The following CAMK1D variants were observed in gnomAD, a reference collection of about 807,000 sequenced individuals.
CAMK1D encodes the protein calcium/calmodulin dependent protein kinase ID.
A neutral mutation model predicts 47.7 loss-of-function variants in CAMK1D; 9 were observed. The observed-to-expected ratio is 0.19, with a 90% CI of 0.11 to 0.33. The LOEUF is 0.33. CAMK1D is among the 10% of genes least tolerant of loss of function. The pLI, the probability that CAMK1D is intolerant of heterozygous loss-of-function variation, is 1.00. For missense variants in CAMK1D, 291 were observed against 488.7 expected (o/e 0.60, Z 3.81); for synonymous variants, 184 against 184.9 (o/e 0.99, Z 0.04).
At chr10:12,390,476 C>T (rs1183995164) in intron 1 of CAMK1D, among the ~76,000 whole-genome samples, 1 of 152,180 alleles carries the variant, frequency 6.6e-6, no homozygotes, top group African/African-American at 2.4e-5. Context: ...TTATCTCTGT[C>T]ACTATATCTG....
At chr10:12,813,368 A>G (rs1832681031) in intron 6 of CAMK1D, among the ~76,000 whole-genome samples, 1 of 152,226 alleles carries the variant, frequency 6.6e-6, no homozygotes, top group Admixed American at 6.5e-5. Context: ...TCAACGTCAT[A>G]AAATTTCATT....
At chr10:12,628,442 G>T (rs1359333688) in intron 2 of CAMK1D, among the ~76,000 whole-genome samples, 2 of 152,114 alleles carry the variant, frequency 1.3e-5, no homozygotes, top group African/African-American at 4.8e-5. Flanking sequence ...CTTTATCATA[G>T]TCTAGCAGTT....
At chr10:12,638,773 A>G (rs1269019814) in intron 2 of CAMK1D, among the ~76,000 whole-genome samples, 2 of 152,112 alleles carry the variant, frequency 1.3e-5, no homozygotes, top group African/African-American at 4.8e-5. Context: ...TCTGCCCCTC[A>G]TTTTGTATCA....
At chr10:12,604,441 G>C (rs1454401475) in intron 2 of CAMK1D, among the ~76,000 whole-genome samples, 1 of 152,170 alleles carries the variant, frequency 6.6e-6, no homozygotes, top group African/African-American at 2.4e-5. Context: ...GAAGTGTTTG[G>C]CCGTGTTGGC....
intron 3 of CAMK1D, among the ~76,000 whole-genome samples, chr10:12,674,353 AAC>A (rs1221284663): frequency 2.6e-5 from 4 of 152,304 alleles, no homozygotes; most frequent in African/African-American, 9.6e-5. Flanking sequence ...GAGGATCTAA[AAC>A]ACAACATTTT....
chr10:12,354,402 G>A (rs1229888704), intron 1 of CAMK1D, among the ~76,000 whole-genome samples: 1 of 151,806 alleles, frequency 6.6e-6, no homozygotes, highest in African/African-American at 2.4e-5. Flanking sequence ...GTGGGGAACA[G>A]GGAACATGAG....
chr10:12,702,472 A>G (rs1353515014), intron 3 of CAMK1D, among the ~76,000 whole-genome samples: 3 of 152,242 alleles, frequency 2.0e-5, no homozygotes, highest in Non-Finnish European at 4.4e-5. Context: ...CTTGAAACAA[A>G]GACACTCGAT....
chr10:12,456,796 C>T (rs1833261112), intron 1 of CAMK1D, among the ~76,000 whole-genome samples: 1 of 142,074 alleles, frequency 7.0e-6, no homozygotes, highest in South Asian at 2.3e-4. Flanking sequence ...AAAATCTCTA[C>T]CTTTTTATAG....
chr10:12,772,609 C>G (rs562050030), intron 5 of CAMK1D, among the ~76,000 whole-genome samples: 2 of 152,310 alleles, frequency 1.3e-5, no homozygotes, highest in East Asian at 3.9e-4. Flanking sequence ...TCTGCGGGGT[C>G]TGAGTCTGTT....
chr10:12,549,552 G>T (rs750552955), intron 1 of CAMK1D, among the ~76,000 whole-genome samples: 1 of 152,126 alleles, frequency 6.6e-6, no homozygotes, highest in Non-Finnish European at 1.5e-5. Context: ...TTCACTTCTG[G>T]GTATAGACCT....
chr10:12,526,622 T>C (rs1005347674), intron 1 of CAMK1D, among the ~76,000 whole-genome samples: 1 of 152,056 alleles, frequency 6.6e-6, no homozygotes, highest in African/African-American at 2.4e-5. Context: ...AAAAGGAAGA[T>C]AAAAATAATC....
At chr10:12,469,631 C>G (rs547434848) in intron 1 of CAMK1D, among the ~76,000 whole-genome samples, 2 of 152,254 alleles carry the variant, frequency 1.3e-5, no homozygotes, top group East Asian at 3.9e-4. Context: ...CCGGGAAAAG[C>G]TAATATCATA....
At chr10:12,546,067 C>T (rs1201135430) in intron 1 of CAMK1D, among the ~76,000 whole-genome samples, 3 of 152,072 alleles carry the variant, frequency 2.0e-5, no homozygotes, top group Non-Finnish European at 4.4e-5. Context: ...TTGAATGCCA[C>T]GGGTAACGTG....
rs531402682 is a variant in CAMK1D, at chr10:12,642,880, AATGATG to A, written c.225-23854_225-23849del. On this transcript the variant is annotated intron_variant, in intron 2 of 10. Transcript: ENST00000619168. Reference sequence around the variant, plus strand: ...ATACTTGAGATAAAATATATGTAAAAATGATGAGTTAAAAGTAGTCCTGGGAGGGTA... The same window carrying A: ...ATACTTGAGATAAAATATATGTAAAAAGTTAAAAGTAGTCCTGGGAGGGTA... Among the ~76,000 whole-genome samples the A allele has an allele frequency of 1.2e-4, 18 of 152,332 alleles. No individual in the cohort carries two copies. The East Asian group carries it at 3.3e-3, about 28-fold the overall frequency.
At chr10:12,492,305 G>A (rs964777831) in intron 1 of CAMK1D, among the ~76,000 whole-genome samples, 7 of 149,410 alleles carry the variant, frequency 4.7e-5, no homozygotes, top group Admixed American at 2.0e-4. Context: ...AAATCAAACC[G>A]TGGGGTTCTG....
chr10:12,471,232 G>C (rs1188795867), intron 1 of CAMK1D, among the ~76,000 whole-genome samples: 1 of 152,210 alleles, frequency 6.6e-6, no homozygotes, highest in East Asian at 1.9e-4. Flanking sequence ...CTTTCAAAGT[G>C]GGAATCAGCC....
chr10:12,720,262 C>T lies in CAMK1D; in HGVS notation c.300-40686C>T, dbSNP rs77408434. On this transcript the variant is annotated intron_variant, in intron 3 of 10. Transcript: ENST00000619168. ...GGGTATAAAAGAACCCAGCCTGGTC[C>T]GTCTGCAGAATTCCTAGCGAAGAGT... 7.2e-5 allele frequency among the ~76,000 whole-genome samples: 11 copies of T among 152,288 alleles called. No homozygotes were observed. In the East Asian group the frequency reaches 1.4e-3, roughly 19 times the overall value.
intron 1 of CAMK1D, among the ~76,000 whole-genome samples, chr10:12,407,989 C>T (rs193216932): frequency 1.1e-3 from 166 of 151,646 alleles, no homozygotes; most frequent in African/African-American, 3.7e-3. Context: ...TCCTGAGTAG[C>T]TGGGATTACA....
rs186711068 is a variant in CAMK1D at position 12,480,391 on chromosome 10, C to T, written c.93-72834C>T. 6.1e-3 allele frequency among the ~76,000 whole-genome samples: 925 copies of T among 151,810 alleles called. 16 individuals are homozygous for T. The highest frequency in any genetic ancestry group is 0.021 in the African/African-American group (867 of 41,412). On this transcript the variant is annotated intron_variant, in intron 1 of 10. Transcript: ENST00000619168. ...CGGAGGTTGCAGTGAGCCGAGATCG[C>T]GCCACTGCACTCCAGCTTGAGCGAC...
Sources: allele counts gnomAD v4.1 joint callset (sites outside exome capture counted in the v4.1 genomes callset), GRCh38; gene constraint gnomAD v4.1.1; transcripts MANE v1.5; gene names NCBI Gene and HGNC (gene_info 2026-07-23, HGNC 2026-07-21).